ANGPTL1: variants seen among roughly 807,000 people sequenced by gnomAD.
ANGPTL1 encodes angiopoietin-related protein 1.
A neutral mutation model predicts 46.7 loss-of-function variants in ANGPTL1; 36 were observed. The ratio of observed to expected loss-of-function variants is 0.77; its 90% CI spans 0.59 to 1.02. The LOEUF (loss-of-function observed/expected upper bound fraction) is 1.02. Ranked by LOEUF, ANGPTL1 falls within the 50% of genes least tolerant of loss-of-function variation. The pLI, the probability that ANGPTL1 is intolerant of heterozygous loss-of-function variation, is 0.00. For synonymous variants in ANGPTL1, 221 were observed against 204.3 expected (o/e 1.08, Z -0.69); for missense variants, 571 against 594.7 (o/e 0.96, Z 0.41).
rs139246466 is a variant in ANGPTL1 at position 178,856,190 on chromosome 1, C to CAGAGAG, written c.824-2409_824-2404dup. 1.9e-4 allele frequency among the ~76,000 whole-genome samples: 13 copies of CAGAGAG among 69,102 alleles called. 1 individual carries two copies. The highest frequency in any genetic ancestry group is 7.1e-4 in the African/African-American group (13 of 18,308). The allele number at this position is 69,102 out of a possible 152,430, so 45.3% of individuals were successfully genotyped here. ...GAGAACTGTGTTACCTGTACTTTTC[C>CAGAGAG]AGAGAGAGAGAGATATATATATATA... On this transcript the variant is annotated intron_variant, in intron 3 of 5. Transcript: ENST00000234816.
chr1:178,850,436 A>C lies in ANGPTL1; in HGVS notation c.*693T>G, dbSNP rs1039592306. 6.6e-6 allele frequency: 1 copy of C among 152,212 alleles called. No homozygotes were observed. The highest frequency in any genetic ancestry group is 2.4e-5 in the African/African-American group (1 of 41,420). The allele number at this position is 152,212 out of a possible 1,614,324, so 9.4% of individuals were successfully genotyped here. On this transcript the variant is annotated 3_prime_UTR_variant, in exon 6 of 6. Coordinates refer to ENST00000234816, the MANE Select transcript of ANGPTL1 (RefSeq NM_004673.4). The stretch of plus-strand genomic sequence containing the variant: ...GTTCAGCATATCATATGAAGATAAC[A>C]CTGAAAAATTCATTCATAGATTTGT...
chr1:178,852,977 A>G, intron 4 of ANGPTL1, 24 bp from the exon 5 acceptor site: 1 of 1,589,246 alleles, frequency 6.3e-7, no homozygotes, highest in Non-Finnish European at 8.5e-7. Flanking sequence ...AAGAAACATG[A>G]GTGCATAAAT....
At chr1:178,864,201 T>G (rs1167164105) in intron 3 of ANGPTL1, among the ~76,000 whole-genome samples, 2 of 152,150 alleles carry the variant, frequency 1.3e-5, no homozygotes, top group Non-Finnish European at 2.9e-5. Context: ...GATCAGTGAC[T>G]GACATTGAAT....
At position 178,865,718 on chromosome 1, in the gene ANGPTL1, T is replaced by A. The variant is rs141156731; in HGVS notation, c.59A>T (p.His20Leu). 5.6e-4 allele frequency: 898 copies of A among 1,613,608 alleles called. 1 individual carries two copies. The highest frequency in any genetic ancestry group is 7.8e-4 in the Admixed American group (47 of 59,994). The change falls in exon 3 of 6, where the codon CAT (histidine) becomes CTT (leucine). Residue 20 changes from histidine to leucine, a missense_variant. Transcript: ENST00000234816. ...AATTTTGAATTGTCCACCTCTGCAA[T>A]GTCCAGTGTCCACTAGTAGGAAGAA... Reference protein sequence around the residue: ...VLFFLLVDTGHCRGGQFKIKK... With the variant: ...VLFFLLVDTGLCRGGQFKIKK...
At chr1:178,855,462 C>T (rs1457850949) in intron 3 of ANGPTL1, among the ~76,000 whole-genome samples, 2 of 151,886 alleles carry the variant, frequency 1.3e-5, no homozygotes, top group Middle Eastern at 6.8e-3. Flanking sequence ...TATTATAGTT[C>T]ATTGATATTT....
rs1657091528 is a variant in ANGPTL1, at chr1:178,850,332, C to G, written c.*797G>C. 6.6e-6 allele frequency: 1 copy of G among 152,454 alleles called. No homozygotes were observed. The highest frequency in any genetic ancestry group is 1.5e-5 in the Non-Finnish European group (1 of 68,016). The allele number at this position is 152,454 out of a possible 1,614,324, so 9.4% of individuals were successfully genotyped here. ...AACTATAATTCAGATCTGTAGCACA[C>G]TAAATATTCTGCATTTTTGTAATAC... On this transcript the variant is annotated 3_prime_UTR_variant, in exon 6 of 6. Transcript: ENST00000234816.
At chr1:178,856,093 T>A (rs1234812342) in intron 3 of ANGPTL1, among the ~76,000 whole-genome samples, 1 of 148,944 alleles carries the variant, frequency 6.7e-6, no homozygotes, top group East Asian at 1.9e-4. Context: ...AAAAGTTCTG[T>A]ACGATAAGGA....
In ANGPTL1 at chr1:178,852,960, A is replaced by G. The variant is rs1386384250; in HGVS notation, c.1018-7T>C. On this transcript the variant is annotated splice_polypyrimidine_tract_variant and splice_region_variant and intron_variant, in intron 4 of 5. Coordinates refer to ENST00000234816, the MANE Select transcript of ANGPTL1 (RefSeq NM_004673.4). The stretch of plus-strand genomic sequence containing the variant: ...CAATGTTTCCAAACCCTTTCTGTTA[A>G]TAAGTGAAGAAACATGAGTGCATAA... The G allele has an allele frequency of 1.9e-6, 3 of 1,601,438 alleles. No individual in the cohort carries two copies. The highest frequency in any genetic ancestry group is 2.2e-5 in the East Asian group (1 of 44,772).
chr1:178,864,762 ACTC>A (rs1658266793), intron 3 of ANGPTL1, among the ~76,000 whole-genome samples, 189 bp downstream of exon 3: 1 of 152,110 alleles, frequency 6.6e-6, no homozygotes, highest in African/African-American at 2.4e-5. Flanking sequence ...GTTTTTATAA[ACTC>A]CTGGAACTTC....
chr1:178,864,479 TGA>T (rs1658247827), intron 3 of ANGPTL1, among the ~76,000 whole-genome samples: 1 of 152,128 alleles, frequency 6.6e-6, no homozygotes, highest in Admixed American at 6.6e-5. Flanking sequence ...AGTCATCTGC[TGA>T]GAGTGGAGAT....
rs1450099774 is a variant in ANGPTL1 at position 178,865,174 on chromosome 1, C to T, written c.603G>A (p.Leu201=). 1 of 1,611,822 alleles carries T rather than the reference C, an allele frequency of 6.2e-7. No homozygotes were observed. Among genetic ancestry groups the T allele is most frequent in the Admixed American group, 1.7e-5 (1 of 59,912 alleles). ...GGGTGTCTTGTCGGGAAAATATCCT[C>T]AAGCACTGTTCTTCCAACAAAGTGA... ...VMITLLEEQC[L]RIFSRQDTHV... is the part of the protein sequence containing the mutation. Residue 201 remains leucine (L), a synonymous_variant, in exon 3 of 6, where the codon TTG becomes TTA. Transcript: ENST00000234816.
At chr1:178,861,595 C>G (rs781010842) in intron 3 of ANGPTL1, among the ~76,000 whole-genome samples, 14 of 152,108 alleles carry the variant, frequency 9.2e-5, no homozygotes, top group Non-Finnish European at 2.1e-4. Flanking sequence ...ACCATCCACT[C>G]AAGCTTCAGG....
intron 3 of ANGPTL1, among the ~76,000 whole-genome samples, chr1:178,860,355 T>C (rs1214516481): frequency 6.6e-6 from 1 of 152,180 alleles, no homozygotes; most frequent in African/African-American, 2.4e-5. Context: ...AAATACTATT[T>C]TTTATAACTT....
intron 3 of ANGPTL1, among the ~76,000 whole-genome samples, chr1:178,858,870 G>T (rs1473432491): frequency 6.6e-6 from 1 of 152,176 alleles, no homozygotes; most frequent in Non-Finnish European, 1.5e-5. Context: ...TTTACAAAGA[G>T]AATTACAGAT....
chr1:178,851,186 G>A lies in ANGPTL1; in HGVS notation c.1419C>T (p.Tyr473=), dbSNP rs1412994313. 4 of 1,613,996 alleles carry A rather than the reference G, an allele frequency of 2.5e-6. No individual in the cohort carries two copies. In the South Asian group the frequency reaches 4.4e-5, roughly 18 times the overall value. Residue 473 remains tyrosine (Y), a synonymous_variant, in exon 6 of 6, where the codon TAC becomes TAT. Coordinates refer to ENST00000234816, the MANE Select transcript of ANGPTL1 (RefSeq NM_004673.4). ...CTCTTAAGGAGTATGACCCGCCTCT[G>A]TATTCGGCCCAGAAAATTCCATCTT... ...KHQDGIFWAE[Y]RGGSYSLRAV...
Position 178,869,114 on chromosome 1 carries a change from G to GT in ANGPTL1, c.-28dup, listed in dbSNP as rs969837817. On this transcript the variant is annotated splice_region_variant and 5_prime_UTR_variant, in exon 2 of 6. Coordinates refer to ENST00000234816, the MANE Select transcript of ANGPTL1 (RefSeq NM_004673.4). Reference sequence around the variant, plus strand: ...TATAAATTAGTTATAGAATACTTACGTTTAAATTTAAGTCTTTACTTAGTT... The same window carrying GT: ...TATAAATTAGTTATAGAATACTTACGTTTTAAATTTAAGTCTTTACTTAGTT... 1.3e-5 allele frequency: 2 copies of GT among 151,880 alleles called. No homozygotes were observed. Among genetic ancestry groups the GT allele is most frequent in the African/African-American group, 4.8e-5 (2 of 41,384 alleles). The allele number at this position is 151,880 out of a possible 1,614,324, so 9.4% of individuals were successfully genotyped here.
chr1:178,869,201 C>A lies in ANGPTL1; in HGVS notation c.-114G>T, dbSNP rs1402186140. On this transcript the variant is annotated 5_prime_UTR_variant, in exon 2 of 6. Transcript: ENST00000234816. Reference sequence around the variant, plus strand: ...GGTTAATTTTATTAGTAGCTTTTCTCTTCATAGTTGCTATATTGCCAGCTA... The same window carrying A: ...GGTTAATTTTATTAGTAGCTTTTCTATTCATAGTTGCTATATTGCCAGCTA... 1 of 152,006 alleles carries A rather than the reference C, an allele frequency of 6.6e-6. No homozygotes were observed. The highest frequency in any genetic ancestry group is 1.5e-5 in the Non-Finnish European group (1 of 67,930). 9.4% of individuals were successfully genotyped at this position (152,006 alleles called of 1,614,324 possible).
chr1:178,858,216 G>A (rs184717959), intron 3 of ANGPTL1, among the ~76,000 whole-genome samples: 1 of 152,012 alleles, frequency 6.6e-6, no homozygotes, highest in Admixed American at 6.5e-5. Flanking sequence ...ACCTGTCTTA[G>A]TCCAGTGTAT....
intron 4 of ANGPTL1, chr1:178,853,200 G>C: frequency 1.0e-6 from 1 of 985,262 alleles, no homozygotes; most frequent in African/African-American, 1.7e-5. Context: ...CTACAAATAA[G>C]ACAATGCAAA....
Sources: gnomAD v4.1 joint callset for allele counts (sites outside exome capture counted in the v4.1 genomes callset) on GRCh38, gnomAD v4.1.1 for gene constraint, MANE v1.5 for transcripts, NCBI Gene and HGNC (gene_info 2026-07-23, HGNC 2026-07-21) for gene names.